ATF7IP: variants seen among roughly 807,000 people sequenced by gnomAD.
The protein encoded by ATF7IP is activating transcription factor 7 interacting protein.
ATF7IP carries 23 observed loss-of-function variants against 106.4 expected under a neutral mutation model. The observed-to-expected ratio is 0.22, with a 90% CI of 0.16 to 0.31. ATF7IP has a LOEUF of 0.31. ATF7IP is among the 10% of genes least tolerant of loss of function. The pLI, the probability that ATF7IP is intolerant of heterozygous loss-of-function variation, is 1.00. For missense variants in ATF7IP, 1,334 were observed against 1,524.3 expected (o/e 0.88, Z 2.08); for synonymous variants, 542 against 539.0 (o/e 1.01, Z -0.08).
chr12:14,386,575 A>T (rs1242868749), intron 1 of ATF7IP, among the ~76,000 whole-genome samples: 1 of 152,142 alleles, frequency 6.6e-6, no homozygotes, highest in Non-Finnish European at 1.5e-5. Flanking sequence ...TATAAAAGGG[A>T]TACTTATGGT....
Position 14,445,082 on chromosome 12 carries a change from C to T in ATF7IP, c.1930-1906C>T, listed in dbSNP as rs544752029. Among the ~76,000 whole-genome samples, 16 of 150,372 alleles carry T rather than the reference C, an allele frequency of 1.1e-4. 1 individual carries two copies. The highest frequency in any genetic ancestry group is 2.1e-4 in the South Asian group (1 of 4,740). On this transcript the variant is annotated intron_variant, in intron 5 of 14. Coordinates refer to ENST00000261168, the MANE Select transcript of ATF7IP (RefSeq NM_018179.5). ...TCTCGGCTCACTGCAGCCTCTGCCT[C>T]CTGATTCAAGCAATTCTCCTGCCTC...
At chr12:14,367,195 A>G (rs897168474) in intron 1 of ATF7IP, 2 of 152,166 alleles carry the variant, frequency 1.3e-5, no homozygotes, top group Non-Finnish European at 2.9e-5. Flanking sequence ...TCTACTGTCA[A>G]ATGAAGACGT....
chr12:14,403,104 G>T lies in ATF7IP; in HGVS notation c.-7-20805G>T, dbSNP rs142757562. 4.4e-3 allele frequency among the ~76,000 whole-genome samples: 664 copies of T among 152,134 alleles called. 4 individuals are homozygous for T. Among genetic ancestry groups the T allele is most frequent in the African/African-American group, 0.015 (638 of 41,502 alleles). On this transcript the variant is annotated intron_variant, in intron 1 of 14. Coordinates refer to ENST00000261168, the MANE Select transcript of ATF7IP (RefSeq NM_018179.5). ...TTATGGAATTTCTTGTTAGTTTGAA[G>T]TGATCTTTATCAGCTAAAGGAATGA...
rs1942500591 is a variant in ATF7IP, at chr12:14,438,137, A to G, written c.1799A>G (p.Gln600Arg). The G allele has an allele frequency of 6.2e-7, 1 of 1,613,078 alleles. No individual in the cohort carries two copies. Among genetic ancestry groups the G allele is most frequent in the Non-Finnish European group, 8.5e-7 (1 of 1,179,822 alleles). The change falls in exon 5 of 15, where the codon CAG (glutamine) becomes CGG (arginine). Residue 600 changes from glutamine to arginine, a missense_variant. Physicochemically the swap from Gln to Arg is conservative, Grantham distance 43 (BLOSUM62 1). Transcript: ENST00000261168. Reference protein sequence around the residue: ...DINQKLQKVIQWLLEEKLCAL... With the variant: ...DINQKLQKVIRWLLEEKLCAL... ...GAATATTTGTTTCTTTAGGTTATACAGTGGTTGCTGGAAGAAAAATTGTGT... is the reference window on the plus strand; with the variant it reads ...GAATATTTGTTTCTTTAGGTTATACGGTGGTTGCTGGAAGAAAAATTGTGT...
At chr12:14,443,821 A>G (rs536583067) in intron 5 of ATF7IP, among the ~76,000 whole-genome samples, 14 of 152,314 alleles carry the variant, frequency 9.2e-5, no homozygotes, top group Non-Finnish European at 1.5e-4. Context: ...AAATATAGCA[A>G]CTACCTCATA....
At chr12:14,445,708 C>G (rs1565518483) in intron 5 of ATF7IP, among the ~76,000 whole-genome samples, 1 of 152,140 alleles carries the variant, frequency 6.6e-6, no homozygotes, top group Non-Finnish European at 1.5e-5. Context: ...TTGGGTTCTC[C>G]TCTAGAAGTG....
intron 1 of ATF7IP, among the ~76,000 whole-genome samples, chr12:14,381,744 ACT>A (rs1486952633): frequency 7.9e-5 from 12 of 151,990 alleles, no homozygotes; most frequent in African/African-American, 2.9e-4. Context: ...ACATATATTT[ACT>A]CTCAACCAAA....
Position 14,393,948 on chromosome 12 carries a change from G to T in ATF7IP, c.-8+28121G>T, listed in dbSNP as rs909419040. On this transcript the variant is annotated intron_variant, in intron 1 of 14. Transcript: ENST00000261168. The stretch of plus-strand genomic sequence containing the variant: ...TAAAAACAATACATGAATGATACAG[G>T]TTTGAAAAGAATGTGGCACAGACAG... 4.6e-5 allele frequency among the ~76,000 whole-genome samples: 7 copies of T among 152,150 alleles called. No individual in the cohort carries two copies. In the South Asian group the frequency reaches 1.4e-3, roughly 31 times the overall value.
intron 10 of ATF7IP, among the ~76,000 whole-genome samples, chr12:14,468,622 G>C (rs552721071): frequency 1.3e-5 from 2 of 152,286 alleles, no homozygotes; most frequent in South Asian, 4.1e-4. Context: ...TAATATCTGA[G>C]TATAAAAAAT....
chr12:14,487,237 C>A (rs1944650374), intron 13 of ATF7IP, among the ~76,000 whole-genome samples: 1 of 150,034 alleles, frequency 6.7e-6, no homozygotes, highest in Non-Finnish European at 1.5e-5. Flanking sequence ...TAATCTTATA[C>A]CCTTAATATC....
rs144745724 is a variant in ATF7IP, at chr12:14,487,382, G to T, written c.3280+6197G>T. The stretch of plus-strand genomic sequence containing the variant: ...AGGGGCCCACCAGTACTTTAGTGTA[G>T]TTATACATCTAGAAGCAAAGAGAGG... On this transcript the variant is annotated intron_variant, in intron 13 of 14. Coordinates refer to ENST00000261168, the MANE Select transcript of ATF7IP (RefSeq NM_018179.5). Among the ~76,000 whole-genome samples, 432 of 152,236 alleles carry T rather than the reference G, an allele frequency of 2.8e-3. 1 individual carries two copies. The highest frequency in any genetic ancestry group is 5.2e-3 in the Non-Finnish European group (351 of 68,026).
chr12:14,453,081 T>C (rs569146550), intron 6 of ATF7IP, among the ~76,000 whole-genome samples: 9 of 152,352 alleles, frequency 5.9e-5, no homozygotes, highest in Admixed American at 3.9e-4. Context: ...TGTTATCTTA[T>C]GGGAGTTCCC....
Position 14,434,435 on chromosome 12 carries a change from TA to T in ATF7IP, c.1645+15del. On this transcript the variant is annotated intron_variant, in intron 3 of 14. Coordinates refer to ENST00000261168, the MANE Select transcript of ATF7IP (RefSeq NM_018179.5). ...ACCTTCTGAGAAAAGTATGCATGTA[TA>T]AACAAACTTGAACTGGATTGAAAAA... The T allele has an allele frequency of 7.3e-7, 1 of 1,365,244 alleles. No individual in the cohort carries two copies. Among genetic ancestry groups the T allele is most frequent in the Non-Finnish European group, 1.0e-6 (1 of 961,586 alleles). The allele number at this position is 1,365,244 out of a possible 1,614,324, so 84.6% of individuals were successfully genotyped here.
intron 6 of ATF7IP, among the ~76,000 whole-genome samples, chr12:14,451,766 G>C (rs963471457): frequency 6.6e-6 from 1 of 152,024 alleles, no homozygotes; most frequent in Non-Finnish European, 1.5e-5. Flanking sequence ...TAAGACCTGG[G>C]TTGTGACATG....
At chr12:14,485,687 G>T (rs1944583245) in intron 13 of ATF7IP, among the ~76,000 whole-genome samples, 1 of 152,182 alleles carries the variant, frequency 6.6e-6, no homozygotes, top group East Asian at 1.9e-4. Context: ...ATTGCTTCTG[G>T]TGGGCCTTAT....
chr12:14,488,516 G>T (rs543771198), intron 13 of ATF7IP, among the ~76,000 whole-genome samples: 1 of 152,274 alleles, frequency 6.6e-6, no homozygotes, highest in South Asian at 2.1e-4. Flanking sequence ...CCCAGCAGAT[G>T]AAGGGTGGAT....
rs530960920 is a variant in ATF7IP at position 14,478,681 on chromosome 12, A to G, written c.3097+209A>G. Among the ~76,000 whole-genome samples the G allele has an allele frequency of 9.8e-4, 150 of 152,348 alleles. 1 individual carries two copies. Among genetic ancestry groups the G allele is most frequent in the Non-Finnish European group, 3.7e-4 (25 of 68,026 alleles). ...GTAAAGAATGATTTTAAAGAAAAGT[A>G]TATATTTATTTACTTAACATTATAT... On this transcript the variant is annotated intron_variant, in intron 12 of 14. Transcript: ENST00000261168.
At chr12:14,436,678 C>T (rs779850910) in intron 4 of ATF7IP, among the ~76,000 whole-genome samples, 2 of 151,966 alleles carry the variant, frequency 1.3e-5, no homozygotes, top group African/African-American at 2.4e-5. Flanking sequence ...GGTGACAGAG[C>T]AAGACTCCAT....
chr12:14,487,646 T>C (rs1278968873), intron 13 of ATF7IP, among the ~76,000 whole-genome samples: 2 of 152,160 alleles, frequency 1.3e-5, no homozygotes. Flanking sequence ...GCCTCTTTTG[T>C]TGTAGGTTAG....
Sources: allele counts gnomAD v4.1 joint callset (sites outside exome capture counted in the v4.1 genomes callset), GRCh38; gene constraint gnomAD v4.1.1; transcripts MANE v1.5; gene names NCBI Gene and HGNC (gene_info 2026-07-23, HGNC 2026-07-21).